Variants in FOXP1 observed in about 807,000 individuals in gnomAD.
FOXP1 encodes the protein forkhead box protein P1.
Under a neutral mutation model 98.2 loss-of-function variants are expected in FOXP1, and 15 were observed. The ratio of observed to expected loss-of-function variants is 0.15; its 90% CI spans 0.10 to 0.24. The LOEUF (loss-of-function observed/expected upper bound fraction) is 0.24, where lower values mean the gene tolerates loss of function less well. Among genes scored for constraint, FOXP1 ranks in the 10% least tolerant of loss-of-function variants. The pLI, the probability that FOXP1 is intolerant of heterozygous loss-of-function variation, is 1.00. For missense variants in FOXP1, 633 were observed against 848.5 expected (o/e 0.75, Z 3.15); for synonymous variants, 371 against 314.5 (o/e 1.18, Z -1.90).
chr3:71,457,748 C>G (rs1379695669), intron 3 of FOXP1, among the ~76,000 whole-genome samples: 3 of 152,164 alleles, frequency 2.0e-5, no homozygotes, highest in Non-Finnish European at 4.4e-5. Flanking sequence ...CTCTGACATG[C>G]ACAATCAAAG....
chr3:71,004,086 C>T (rs1353663755), intron 12 of FOXP1, among the ~76,000 whole-genome samples: 1 of 75,164 alleles, frequency 1.3e-5, no homozygotes, highest in Non-Finnish European at 2.4e-5. Context: ...TGGAACCCTA[C>T]ATCCCCCCCC....
intron 5 of FOXP1, among the ~76,000 whole-genome samples, chr3:71,223,703 A>T (rs1320664715): frequency 6.6e-6 from 1 of 152,026 alleles, no homozygotes; most frequent in African/African-American, 2.4e-5. Context: ...CAAAAAAAAA[A>T]AAAAAAAAAG....
intron 11 of FOXP1, among the ~76,000 whole-genome samples, chr3:71,022,227 T>C (rs1026775108): frequency 3.6e-4 from 55 of 152,334 alleles, no homozygotes; most frequent in Middle Eastern, 3.4e-3. Flanking sequence ...AATGGTTTGA[T>C]AAAAGTATCA....
intron 2 of FOXP1, among the ~76,000 whole-genome samples, chr3:71,536,232 AC>A (rs2044277505): frequency 1.3e-5 from 2 of 152,058 alleles, no homozygotes; most frequent in South Asian, 4.1e-4. Flanking sequence ...AACCAAAGAC[AC>A]CCTACAAGGA....
chr3:71,143,721 C>A (rs1262002665), intron 6 of FOXP1, among the ~76,000 whole-genome samples: 3 of 152,026 alleles, frequency 2.0e-5, no homozygotes, highest in African/African-American at 7.3e-5. Context: ...TTGCAAGACC[C>A]CATCTCTACA....
chr3:71,205,544 A>T (rs1342293077), intron 5 of FOXP1, among the ~76,000 whole-genome samples: 5 of 152,204 alleles, frequency 3.3e-5, no homozygotes, highest in African/African-American at 4.8e-5. Context: ...GTGGCCACTC[A>T]TTTAGCCATA....
intron 5 of FOXP1, among the ~76,000 whole-genome samples, chr3:71,240,042 A>C (rs1032726786): frequency 6.6e-6 from 1 of 152,252 alleles, no homozygotes; most frequent in Non-Finnish European, 1.5e-5. Flanking sequence ...TTCGAAAGGA[A>C]GTACAAGACT....
In FOXP1 at chr3:71,123,757, ATTC is replaced by A. The variant is rs1193775441; in HGVS notation, c.181-11123_181-11121del. Reference sequence around the variant, plus strand: ...GACTCTTGCACTCTGCTATAAATACATTCTTCTTCTTCTTTTTTTGGTGGAGGT... The same window carrying A: ...GACTCTTGCACTCTGCTATAAATACATTCTTCTTCTTTTTTTGGTGGAGGT... On this transcript the variant is annotated intron_variant, in intron 6 of 20. Coordinates refer to ENST00000649528, the MANE Select transcript of FOXP1 (RefSeq NM_001349338.3). 4.6e-5 allele frequency among the ~76,000 whole-genome samples: 7 copies of A among 152,154 alleles called. No homozygotes were observed. The East Asian group carries it at 7.7e-4, about 17-fold the overall frequency.
Position 71,453,477 on chromosome 3 carries a change from C to T in FOXP1, c.-168+39949G>A, listed in dbSNP as rs139914137. 3.4e-3 allele frequency among the ~76,000 whole-genome samples: 512 copies of T among 152,296 alleles called. 3 individuals carry two copies. Among genetic ancestry groups the T allele is most frequent in the African/African-American group, 0.012 (486 of 41,556 alleles). On this transcript the variant is annotated intron_variant, in intron 3 of 20. Transcript: ENST00000649528. ...CAGATTTGCAGTGTGATCCCGGCAG[C>T]CCTACTGGCCGCATCAAAGGATAGG...
At chr3:70,960,838 ATAAT>A (rs1322528786) in intron 20 of FOXP1, among the ~76,000 whole-genome samples, 5 of 146,254 alleles carry the variant, frequency 3.4e-5, no homozygotes, top group Non-Finnish European at 7.4e-5. Context: ...CTTTAAAAAA[ATAAT>A]TTTTTTTTTT....
At chr3:71,126,875 A>C (rs2686271) in intron 6 of FOXP1, among the ~76,000 whole-genome samples, 79,181 of 123,638 alleles carry the variant, frequency 0.64, 23,076 homozygotes, top group East Asian at 0.95. Context: ...AACAAACAAA[A>C]AAAAAAAACA....
chr3:71,404,749 CAT>C (rs2082197300), intron 3 of FOXP1, among the ~76,000 whole-genome samples: 1 of 152,162 alleles, frequency 6.6e-6, no homozygotes, highest in Non-Finnish European at 1.5e-5. Context: ...TCTCAATTCA[CAT>C]ATGAGAAGAA....
intron 3 of FOXP1, among the ~76,000 whole-genome samples, chr3:71,363,216 C>A (rs2078693461): frequency 6.6e-6 from 1 of 151,702 alleles, no homozygotes; most frequent in South Asian, 2.1e-4. Context: ...TGATATAATT[C>A]ATTGTAAAAT....
At chr3:71,082,112 C>T (rs890757352) in intron 7 of FOXP1, among the ~76,000 whole-genome samples, 25 of 151,798 alleles carry the variant, frequency 1.6e-4, no homozygotes, top group African/African-American at 5.8e-4. Context: ...AACCTCATCT[C>T]TACTAAAAAT....
At chr3:71,126,921 GAA>G (rs1456547304) in intron 6 of FOXP1, among the ~76,000 whole-genome samples, 2 of 142,156 alleles carry the variant, frequency 1.4e-5, no homozygotes, top group African/African-American at 2.7e-5. Context: ...AAAAAGAAAA[GAA>G]TATTTCTTAA....
chr3:71,025,526 G>A (rs558146908), intron 11 of FOXP1, among the ~76,000 whole-genome samples: 1 of 152,268 alleles, frequency 6.6e-6, no homozygotes, highest in East Asian at 1.9e-4. Context: ...GTAAGGGGGT[G>A]GCACTGGGCA....
intron 3 of FOXP1, among the ~76,000 whole-genome samples, chr3:71,445,688 C>A (rs1191923616): frequency 3.0e-5 from 4 of 134,476 alleles, no homozygotes; most frequent in Non-Finnish European, 4.8e-5. Context: ...GATATTTATA[C>A]CTTTTTTTTT....
intron 4 of FOXP1, among the ~76,000 whole-genome samples, chr3:71,317,732 C>T (rs2075161460): frequency 1.3e-5 from 2 of 151,982 alleles, no homozygotes; most frequent in South Asian, 4.2e-4. Flanking sequence ...TACCTGTCCC[C>T]CCCACACAAT....
At chr3:71,038,050 T>C (rs532891923) in intron 11 of FOXP1, among the ~76,000 whole-genome samples, 13 of 152,342 alleles carry the variant, frequency 8.5e-5, no homozygotes, top group Middle Eastern at 3.4e-3. Flanking sequence ...CCTTAACAGA[T>C]TGCAGCTCAC....
Sources: gnomAD v4.1 joint callset for allele counts (sites outside exome capture counted in the v4.1 genomes callset) on GRCh38, gnomAD v4.1.1 for gene constraint, MANE v1.5 for transcripts, NCBI Gene and HGNC (gene_info 2026-07-23, HGNC 2026-07-21) for gene names.